Variants in FOXP2 observed in about 807,000 individuals in gnomAD.
The protein encoded by FOXP2 is forkhead box protein P2.
FOXP2 carries 12 observed loss-of-function variants against 115.8 expected under a neutral mutation model. The ratio of observed to expected loss-of-function variants is 0.10; its 90% CI spans 0.07 to 0.17. The LOEUF is 0.17. Among genes scored for constraint, FOXP2 ranks in the 10% least tolerant of loss-of-function variants. The pLI, the probability that FOXP2 is intolerant of heterozygous loss-of-function variation, is 1.00. For missense variants in FOXP2, 629 were observed against 843.5 expected (o/e 0.75, Z 3.15); for synonymous variants, 328 against 297.7 (o/e 1.10, Z -1.05).
chr7:114,383,783 A>T (rs1792369716), intron 2 of FOXP2, among the ~76,000 whole-genome samples: 2 of 152,064 alleles, frequency 1.3e-5, no homozygotes, highest in Non-Finnish European at 2.9e-5. Flanking sequence ...TGGGGGGAAC[A>T]TTTCCCATCT....
chr7:114,492,731 TTTC>T (rs1347246986), intron 2 of FOXP2, among the ~76,000 whole-genome samples: 4 of 152,168 alleles, frequency 2.6e-5, no homozygotes, highest in Non-Finnish European at 5.9e-5. Context: ...TTTGAGTGAG[TTTC>T]TTAATACTGA....
chr7:114,304,928 A>G (rs984767747), intron 2 of FOXP2, among the ~76,000 whole-genome samples: 2 of 152,136 alleles, frequency 1.3e-5, no homozygotes, highest in Non-Finnish European at 2.9e-5. Context: ...CTGAAAAGAC[A>G]TTAACTATAC....
chr7:114,176,310 C>T lies in FOXP2; in HGVS notation c.-102+13222C>T, dbSNP rs1168593039. Among the ~76,000 whole-genome samples, 245 of 131,300 alleles carry T rather than the reference C, an allele frequency of 1.9e-3. 1 individual carries two copies. Among genetic ancestry groups the T allele is most frequent in the African/African-American group, 8.7e-3 (231 of 26,648 alleles). 86.1% of individuals were successfully genotyped at this position (131,300 alleles called of 152,430 possible). A position where few individuals can be genotyped will look rare whatever the true frequency, so the allele number is the denominator to read the frequency against. On this transcript the variant is annotated intron_variant, in intron 1 of 17. Coordinates refer to the FOXP2 transcript ENST00000634411. ...TTTCTTTCTTTCTTTCTCTCTCTCT[C>T]TCTCTCTCTCTTTCTTTTTCTTTCT... is the stretch of plus-strand genomic sequence containing the variant.
intron 16 of FOXP2, among the ~76,000 whole-genome samples, chr7:114,676,379 C>CT (rs1807766337): frequency 6.6e-6 from 1 of 152,060 alleles, no homozygotes; most frequent in Non-Finnish European, 1.5e-5. Context: ...AGTTCAAGGC[C>CT]TACACGTATT....
At position 114,664,253 on chromosome 7, in the gene FOXP2, C is replaced by T; in HGVS notation, c.1840-20C>T. 5.6e-6 allele frequency: 9 copies of T among 1,611,650 alleles called. No homozygotes were observed. Among genetic ancestry groups the T allele is most frequent in the Non-Finnish European group, 7.6e-6 (9 of 1,179,340 alleles). ...AAATGCCATTTTGAAAGTTGTTTTA[C>T]ACAATCTTCATTTCACTAGGCTGCC... On this transcript the variant is annotated intron_variant, in intron 15 of 16. Coordinates refer to ENST00000350908, the MANE Select transcript of FOXP2 (RefSeq NM_014491.4).
chr7:114,541,842 C>T (rs1799680155), intron 3 of FOXP2, among the ~76,000 whole-genome samples: 1 of 151,334 alleles, frequency 6.6e-6, no homozygotes. Context: ...CTTGACTTCT[C>T]TACCTTAACT....
At chr7:114,315,576 C>A (rs1471632301) in intron 2 of FOXP2, among the ~76,000 whole-genome samples, 1 of 151,732 alleles carries the variant, frequency 6.6e-6, no homozygotes, top group East Asian at 1.9e-4. Context: ...TATTTTCTGT[C>A]CCTTGTATTA....
At chr7:114,492,794 T>C (rs1372509167) in intron 2 of FOXP2, among the ~76,000 whole-genome samples, 1 of 152,196 alleles carries the variant, frequency 6.6e-6, no homozygotes, top group Non-Finnish European at 1.5e-5. Context: ...TTATAATTTC[T>C]GTTCTTTTAC....
intron 2 of FOXP2, among the ~76,000 whole-genome samples, chr7:114,481,808 C>CTATA (rs1215078236): frequency 2.1e-5 from 3 of 142,338 alleles, no homozygotes; most frequent in African/African-American, 5.4e-5. Flanking sequence ...ATCTATCTAT[C>CTATA]TATATATCTA....
At chr7:114,422,304 C>T (rs1793656699) in intron 1 of FOXP2, among the ~76,000 whole-genome samples, 1 of 151,464 alleles carries the variant, frequency 6.6e-6, no homozygotes, top group Non-Finnish European at 1.5e-5. Flanking sequence ...TTTATATGTA[C>T]TGTTATTTGT....
intron 2 of FOXP2, among the ~76,000 whole-genome samples, chr7:114,316,194 G>A (rs1251645250): frequency 6.6e-6 from 1 of 152,236 alleles, no homozygotes; most frequent in East Asian, 1.9e-4. Context: ...GGCCACAAAA[G>A]TGCTGTATTG....
chr7:114,482,578 C>G (rs192880480), intron 2 of FOXP2, among the ~76,000 whole-genome samples: 4 of 151,600 alleles, frequency 2.6e-5, no homozygotes, highest in Admixed American at 2.6e-4. Flanking sequence ...GTTTCTTTCC[C>G]TTTCATTTCC....
At chr7:114,306,023 T>G (rs1797006726) in intron 2 of FOXP2, among the ~76,000 whole-genome samples, 1 of 152,130 alleles carries the variant, frequency 6.6e-6, no homozygotes, top group Admixed American at 6.6e-5. Flanking sequence ...AATGTTAATC[T>G]TCATGAAAAA....
At chr7:114,100,842 G>T (rs183267469) in intron 1 of FOXP2, among the ~76,000 whole-genome samples, 125 of 152,262 alleles carry the variant, frequency 8.2e-4, no homozygotes, top group African/African-American at 3.0e-3. Context: ...TAAGCACTTT[G>T]TGTGTACAAA....
chr7:114,210,805 C>G (rs1794327178), intron 1 of FOXP2, among the ~76,000 whole-genome samples: 1 of 152,104 alleles, frequency 6.6e-6, no homozygotes. Flanking sequence ...GGAGCTTCAT[C>G]CCAGGGAGGG....
At chr7:114,653,390 C>T (rs901169390) in intron 9 of FOXP2, 8 of 160,478 alleles carry the variant, frequency 5.0e-5, no homozygotes, top group South Asian at 3.6e-4. Context: ...AGTGTAGATG[C>T]CGACTCCGTG....
At chr7:114,534,820 G>C in intron 3 of FOXP2, 114 bp downstream of exon 3, 1 of 785,558 alleles carries the variant, frequency 1.3e-6, no homozygotes, top group Non-Finnish European at 2.2e-6. Context: ...GCATATGTAG[G>C]TAATTTTAAT....
At chr7:114,228,064 T>C (rs546780385) in intron 1 of FOXP2, among the ~76,000 whole-genome samples, 2 of 152,072 alleles carry the variant, frequency 1.3e-5, no homozygotes, top group Non-Finnish European at 2.9e-5. Flanking sequence ...TTTATTATGA[T>C]GGCATATCAA....
chr7:114,664,276 G>A lies in FOXP2; in HGVS notation c.1843G>A (p.Ala615Thr), dbSNP rs182138317. 340 of 1,612,968 alleles carry A rather than the reference G, an allele frequency of 2.1e-4. 2 individuals are homozygous for A. The Admixed American group carries it at 5.4e-3, about 25-fold the overall frequency. Reference protein sequence around the residue: ...GAALNASLQAALAESSLPLLS... With the variant: ...GAALNASLQATLAESSLPLLS... ...TACACAATCTTCATTTCACTAGGCT[G>A]CCTTGGCAGAGAGCAGTTTACCTTT... Residue 615 changes from alanine (A) to threonine (T), a missense_variant, in exon 16 of 17, where the codon GCC becomes ACC. Coordinates refer to ENST00000350908, the MANE Select transcript of FOXP2 (RefSeq NM_014491.4).
Sources: allele counts gnomAD v4.1 joint callset (sites outside exome capture counted in the v4.1 genomes callset), GRCh38; gene constraint gnomAD v4.1.1; transcripts MANE v1.5; gene names NCBI Gene and HGNC (gene_info 2026-07-23, HGNC 2026-07-21).